Variants in CADM2 observed in about 807,000 individuals in gnomAD.
The protein encoded by CADM2 is cell adhesion molecule 2, also known as immunoglobulin superfamily member 4D.
CADM2 carries 12 observed loss-of-function variants against 49.8 expected under a neutral mutation model. The observed-to-expected ratio is 0.24, with a 90% confidence interval of 0.15 to 0.39. The LOEUF is 0.39. Ranked by LOEUF, CADM2 falls within the 10% of genes least tolerant of loss-of-function variation. CADM2 has a pLI of 1.00. For missense variants in CADM2, 378 were observed against 492.3 expected, an observed-to-expected ratio of 0.77 and a Z score of 2.20; for synonymous variants, 214 against 175.4, an observed-to-expected ratio of 1.22 and a Z score of -1.74.
chr3:85,883,007 T>G (rs993803957), intron 3 of CADM2, among the ~76,000 whole-genome samples: 1 of 152,220 alleles, frequency 6.6e-6, no homozygotes, highest in Non-Finnish European at 1.5e-5. Flanking sequence ...GCTATGTTTA[T>G]CAACATCAGT....
intron 5 of CADM2, among the ~76,000 whole-genome samples, chr3:85,888,032 G>A (rs576459226): frequency 4.6e-5 from 7 of 152,264 alleles, no homozygotes; most frequent in Non-Finnish European, 8.8e-5. Flanking sequence ...ACACTAAAAT[G>A]CACTTCTTAG....
At chr3:85,850,631 A>G (rs1209595499) in intron 3 of CADM2, among the ~76,000 whole-genome samples, 2 of 152,020 alleles carry the variant, frequency 1.3e-5, no homozygotes, top group African/African-American at 4.8e-5. Flanking sequence ...CCCAGCCTCA[A>G]TTCTTGTCAT....
rs140031224 is a variant in CADM2 at position 85,556,750 on chromosome 3, C to G, written c.62-169772C>G. On this transcript the variant is annotated intron_variant, in intron 1 of 9. Coordinates refer to ENST00000383699, the MANE Select transcript of CADM2 (RefSeq NM_001167675.2). ...GCAGTACAGGAAATCATTTACTGAT[C>G]ATTTTACAATGCACATAATATCCTT... 1.5e-3 allele frequency among the ~76,000 whole-genome samples: 226 copies of G among 152,190 alleles called. 2 individuals carry two copies. Among genetic ancestry groups the G allele is most frequent in the African/African-American group, 5.3e-3 (219 of 41,558 alleles).
chr3:85,664,655 T>C (rs996009154), intron 1 of CADM2, among the ~76,000 whole-genome samples: 8 of 151,926 alleles, frequency 5.3e-5, no homozygotes, highest in Admixed American at 5.3e-4. Flanking sequence ...TCCTGCAAAC[T>C]ATTCTTAAGG....
intron 1 of CADM2, among the ~76,000 whole-genome samples, chr3:85,097,173 C>T (rs932490896): frequency 9.2e-5 from 14 of 152,094 alleles, no homozygotes; most frequent in South Asian, 4.1e-4. Flanking sequence ...CAACAGTCTG[C>T]GGAGTGTGAT....
At chr3:85,426,220 C>T (rs1283277414) in intron 1 of CADM2, among the ~76,000 whole-genome samples, 1 of 151,864 alleles carries the variant, frequency 6.6e-6, no homozygotes, top group Admixed American at 6.6e-5. Flanking sequence ...TGGCTCACTG[C>T]AGCCTCGACC....
intron 3 of CADM2, among the ~76,000 whole-genome samples, chr3:85,861,762 T>A (rs1370578476): frequency 6.6e-6 from 1 of 152,174 alleles, no homozygotes; most frequent in Non-Finnish European, 1.5e-5. Context: ...ATATGGTTCT[T>A]GGCCTCATCC....
At chr3:85,309,392 T>A (rs528862165) in intron 1 of CADM2, among the ~76,000 whole-genome samples, 5 of 152,268 alleles carry the variant, frequency 3.3e-5, no homozygotes, top group African/African-American at 1.2e-4. Flanking sequence ...CACATTGTGC[T>A]TTCTGTCTGT....
rs1340784600 is a variant in CADM2, at chr3:85,908,195, A to G, written c.530-4178A>G. On this transcript the variant is annotated intron_variant, in intron 5 of 9. Coordinates refer to ENST00000383699, the MANE Select transcript of CADM2 (RefSeq NM_001167675.2). ...ATGAAAGTATCTCCGGAAATATGATATTTTGTGAAAAAAAATTGGATGCAA... is the reference window on the plus strand; with the variant it reads ...ATGAAAGTATCTCCGGAAATATGATGTTTTGTGAAAAAAAATTGGATGCAA... 3.4e-5 allele frequency among the ~76,000 whole-genome samples: 5 copies of G among 145,716 alleles called. No homozygotes were observed. The Admixed American group carries it at 3.4e-4, about 10-fold the overall frequency.
chr3:85,169,654 C>A (rs141243551), intron 1 of CADM2, among the ~76,000 whole-genome samples: 2 of 152,002 alleles, frequency 1.3e-5, no homozygotes, highest in African/African-American at 4.8e-5. Flanking sequence ...CTCCTGTAAT[C>A]CCAGCTACCC....
chr3:85,158,003 A>G (rs2040194061), intron 1 of CADM2, among the ~76,000 whole-genome samples: 1 of 152,196 alleles, frequency 6.6e-6, no homozygotes, highest in Non-Finnish European at 1.5e-5. Flanking sequence ...AGAAAAAAAC[A>G]AACAATCCCA....
At chr3:85,580,526 CA>C (rs958779608) in intron 1 of CADM2, among the ~76,000 whole-genome samples, 10 of 151,966 alleles carry the variant, frequency 6.6e-5, no homozygotes, top group Admixed American at 6.6e-5. Flanking sequence ...GGCTTGTGGC[CA>C]AAAACTAATT....
chr3:85,477,365 G>A (rs767790882), intron 1 of CADM2, among the ~76,000 whole-genome samples: 4 of 147,840 alleles, frequency 2.7e-5, no homozygotes, highest in Admixed American at 7.0e-5. Flanking sequence ...TATCCAAGGA[G>A]AGAGATTTAA....
chr3:85,523,070 A>T (rs1423945924), intron 1 of CADM2, among the ~76,000 whole-genome samples: 1 of 151,980 alleles, frequency 6.6e-6, no homozygotes, highest in African/African-American at 2.4e-5. Flanking sequence ...CATTTGCTAG[A>T]TTAAATTTAC....
intron 1 of CADM2, among the ~76,000 whole-genome samples, chr3:85,068,865 A>G (rs2036622500): frequency 6.6e-6 from 1 of 151,714 alleles, no homozygotes; most frequent in Non-Finnish European, 1.5e-5. Context: ...ATACCACATC[A>G]TTTTCTGAAG....
At chr3:85,383,875 CACT>C (rs2034054092) in intron 1 of CADM2, among the ~76,000 whole-genome samples, 2 of 151,784 alleles carry the variant, frequency 1.3e-5, no homozygotes, top group East Asian at 3.9e-4. Context: ...TATAACTTAC[CACT>C]ATTTATCATT....
intron 1 of CADM2, among the ~76,000 whole-genome samples, chr3:85,407,080 T>C (rs923350475): frequency 6.6e-6 from 1 of 152,098 alleles, no homozygotes; most frequent in African/African-American, 2.4e-5. Context: ...TGCATGTGTT[T>C]GATGCCAGCT....
chr3:85,908,599 A>C (rs1717128963), intron 5 of CADM2, among the ~76,000 whole-genome samples: 1 of 152,146 alleles, frequency 6.6e-6, no homozygotes, highest in South Asian at 2.1e-4. Flanking sequence ...AAGTAAGCAC[A>C]ATAATAGAAT....
chr3:85,824,227 C>A (rs1295983247), intron 3 of CADM2, among the ~76,000 whole-genome samples: 1 of 152,082 alleles, frequency 6.6e-6, no homozygotes, highest in African/African-American at 2.4e-5. Flanking sequence ...CAGAGGGAAA[C>A]TTAGTAATTT....
Sources: allele counts gnomAD v4.1 joint callset (sites outside exome capture counted in the v4.1 genomes callset), GRCh38; gene constraint gnomAD v4.1.1; transcripts MANE v1.5; gene names NCBI Gene and HGNC (gene_info 2026-07-23, HGNC 2026-07-21).